The following UHRF2 variants were observed in gnomAD, a reference collection of about 807,000 sequenced individuals.
UHRF2 encodes the protein E3 ubiquitin-protein ligase UHRF2.
Under a neutral mutation model 96.8 loss-of-function variants are expected in UHRF2, and 23 were observed. The ratio of observed to expected loss-of-function variants is 0.24; its 90% CI spans 0.17 to 0.34. The LOEUF (loss-of-function observed/expected upper bound fraction) is 0.34. Ranked by LOEUF, UHRF2 falls within the 10% of genes least tolerant of loss-of-function variation. UHRF2 has a pLI of 1.00. For synonymous variants in UHRF2, 385 were observed against 332.6 expected, an observed-to-expected ratio of 1.16 and a Z score of -1.72; for missense variants, 685 against 981.5, an observed-to-expected ratio of 0.70 and a Z score of 4.04.
chr9:6,413,838 C>A, intron 1 of UHRF2, 195 bp downstream of exon 1: 1 of 609,566 alleles, frequency 1.6e-6, no homozygotes, highest in Non-Finnish European at 2.4e-6. Context: ...CCCTGCCAGC[C>A]CCAACTGGAG....
chr9:6,492,446 A>AT (rs1312180433), intron 9 of UHRF2: 23 of 821,966 alleles, frequency 2.8e-5, no homozygotes, highest in Non-Finnish European at 3.4e-5. Flanking sequence ...CATACTAAAG[A>AT]TTAAGTTTCG....
intron 6 of UHRF2, among the ~76,000 whole-genome samples, chr9:6,478,364 T>C (rs1587852044): frequency 6.6e-6 from 1 of 152,218 alleles, no homozygotes; most frequent in South Asian, 2.1e-4. Flanking sequence ...TTATGGATGG[T>C]CCTCTACCCC....
At chr9:6,501,596 A>G (rs1475534486) in intron 14 of UHRF2, among the ~76,000 whole-genome samples, 1 of 152,180 alleles carries the variant, frequency 6.6e-6, no homozygotes, top group African/African-American at 2.4e-5. Flanking sequence ...ATTTGGATTT[A>G]TATTGGAATC....
At position 6,435,564 on chromosome 9, in the gene UHRF2, T is replaced by A. The variant is rs551757584; in HGVS notation, c.644+1391T>A. On this transcript the variant is annotated intron_variant, in intron 3 of 15. Transcript: ENST00000276893. ...CCCCAAAAAGAAATCTCATACTGAT[T>A]ATCAGTCACTCCCCAGTCCCACTTC... Among the ~76,000 whole-genome samples the A allele has an allele frequency of 2.6e-5, 4 of 152,272 alleles. No individual in the cohort carries two copies. In the South Asian group the frequency reaches 8.3e-4, roughly 32 times the overall value.
At chr9:6,422,589 G>A (rs1406346498) in intron 2 of UHRF2, 11 of 559,834 alleles carry the variant, frequency 2.0e-5, no homozygotes, top group Non-Finnish European at 3.3e-5. Flanking sequence ...AACATTAAAA[G>A]ACTTGACTTC....
intron 2 of UHRF2, among the ~76,000 whole-genome samples, chr9:6,428,201 G>A (rs1001768868): frequency 6.6e-6 from 1 of 152,174 alleles, no homozygotes; most frequent in African/African-American, 2.4e-5. Flanking sequence ...TTTGTCCACA[G>A]TACAGTTCTT....
At chr9:6,433,708 G>A (rs1225442368) in intron 2 of UHRF2, among the ~76,000 whole-genome samples, 1 of 152,210 alleles carries the variant, frequency 6.6e-6, no homozygotes, top group Non-Finnish European at 1.5e-5. Context: ...AAATGAGGAA[G>A]AAAGTTAGTT....
intron 1 of UHRF2, among the ~76,000 whole-genome samples, chr9:6,419,432 A>G (rs1233588322): frequency 6.6e-6 from 1 of 152,210 alleles, no homozygotes; most frequent in Non-Finnish European, 1.5e-5. Flanking sequence ...GTGGAGTAAC[A>G]TGAGCAAGAA....
Position 6,428,124 on chromosome 9 carries a change from C to G in UHRF2, c.385-5790C>G, listed in dbSNP as rs561443392. Among the ~76,000 whole-genome samples the G allele has an allele frequency of 9.9e-4, 151 of 152,252 alleles. 1 individual carries two copies. The highest frequency in any genetic ancestry group is 3.5e-3 in the African/African-American group (145 of 41,558). ...CACTGTTAAACTTCTTACATGTTTTCTTATGCTCATTGTATAATAGAAAGT... is the reference window on the plus strand; with the variant it reads ...CACTGTTAAACTTCTTACATGTTTTGTTATGCTCATTGTATAATAGAAAGT... On this transcript the variant is annotated intron_variant, in intron 2 of 15. Coordinates refer to ENST00000276893, the MANE Select transcript of UHRF2 (RefSeq NM_152896.3).
At chr9:6,422,711 G>C (rs1820003316) in intron 2 of UHRF2, 1 of 538,808 alleles carries the variant, frequency 1.9e-6, no homozygotes, top group East Asian at 3.3e-5. Context: ...CTGGGGTCAA[G>C]TGATCTTCCT....
chr9:6,415,333 C>T (rs1379849247), intron 1 of UHRF2: 2 of 152,214 alleles, frequency 1.3e-5, no homozygotes, highest in Non-Finnish European at 2.9e-5. Flanking sequence ...ACTTGGGTTT[C>T]TTCAGCCCAG....
intron 2 of UHRF2, among the ~76,000 whole-genome samples, chr9:6,430,218 C>T (rs149532743): frequency 2.4e-3 from 369 of 152,238 alleles, no homozygotes; most frequent in Middle Eastern, 3.4e-3. Flanking sequence ...CCATGTTTGC[C>T]GGGCTGGTCT....
At position 6,413,402 on chromosome 9, in the gene UHRF2, C is replaced by T. The variant is rs972876415; in HGVS notation, c.-89C>T. On this transcript the variant is annotated 5_prime_UTR_variant, in exon 1 of 16. Coordinates refer to ENST00000276893, the MANE Select transcript of UHRF2 (RefSeq NM_152896.3). The stretch of plus-strand genomic sequence containing the variant: ...GCCCGCCTGCCGCTGAGGGCCCGAG[C>T]CGCAGGGAAAGCGGCGCGGGCCGGG... The T allele has an allele frequency of 4.0e-6, 5 of 1,252,748 alleles. No individual in the cohort carries two copies. The highest frequency in any genetic ancestry group is 5.1e-6 in the Non-Finnish European group (5 of 983,850). 77.6% of individuals were successfully genotyped at this position (1,252,748 alleles called of 1,614,324 possible).
rs569476884 is a variant in UHRF2, at chr9:6,470,120, C to G, written c.864-5271C>G. Among the ~76,000 whole-genome samples, 25 of 152,236 alleles carry G rather than the reference C, an allele frequency of 1.6e-4. 1 individual carries two copies. The South Asian group carries it at 5.2e-3, about 32-fold the overall frequency. ...GCGTGGTGGCTCACGCCTATATAAT[C>G]GCAGCATTTTGGAAGGCCAAGGCGG... On this transcript the variant is annotated intron_variant, in intron 4 of 15. Transcript: ENST00000276893.
chr9:6,479,857 T>C (rs1445947379), intron 6 of UHRF2, among the ~76,000 whole-genome samples: 1 of 152,178 alleles, frequency 6.6e-6, no homozygotes, highest in Non-Finnish European at 1.5e-5. Context: ...CATTCTCACC[T>C]CCCAGCCCAA....
intron 4 of UHRF2, among the ~76,000 whole-genome samples, chr9:6,464,204 C>G (rs532398451): frequency 6.6e-6 from 1 of 152,130 alleles, no homozygotes. Context: ...GGTTGAGAAT[C>G]TTTTCGTATT....
intron 3 of UHRF2, among the ~76,000 whole-genome samples, chr9:6,439,061 A>G (rs1821010075): frequency 6.6e-6 from 1 of 151,820 alleles, no homozygotes; most frequent in African/African-American, 2.4e-5. Context: ...AATTACAGAT[A>G]CAAACACTAA....
intron 4 of UHRF2, among the ~76,000 whole-genome samples, chr9:6,469,248 C>T (rs1823066748): frequency 1.3e-5 from 2 of 152,106 alleles, no homozygotes; most frequent in African/African-American, 2.4e-5. Context: ...GGCCAGGCAC[C>T]ATGGCACACG....
chr9:6,430,202 G>T (rs894122295), intron 2 of UHRF2, among the ~76,000 whole-genome samples: 5 of 152,032 alleles, frequency 3.3e-5, no homozygotes, highest in African/African-American at 1.2e-4. Context: ...TAGAGACAGG[G>T]TTTCGCCATG....
Sources: gnomAD v4.1 joint callset for allele counts (sites outside exome capture counted in the v4.1 genomes callset) on GRCh38, gnomAD v4.1.1 for gene constraint, MANE v1.5 for transcripts, NCBI Gene and HGNC (gene_info 2026-07-23, HGNC 2026-07-21) for gene names.